The following NFIB variants were observed in gnomAD, a reference collection of about 807,000 sequenced individuals.
NFIB encodes the protein nuclear factor 1 B-type.
In NFIB, 11 loss-of-function variants were observed where a neutral mutation model predicts 61.5. The ratio of observed to expected loss-of-function variants is 0.18; its 90% CI spans 0.11 to 0.30. The LOEUF (loss-of-function observed/expected upper bound fraction) is 0.30, where lower values mean the gene tolerates loss of function less well. Ranked by LOEUF, NFIB falls within the 10% of genes least tolerant of loss-of-function variation. NFIB has a pLI of 1.00. For synonymous variants in NFIB, 260 were observed against 216.5 expected, an observed-to-expected ratio of 1.20 and a Z score of -1.76; for missense variants, 471 against 608.9, an observed-to-expected ratio of 0.77 and a Z score of 2.38.
intron 8 of NFIB, 118 bp from the exon 9 acceptor site, chr9:14,116,464 C>T (rs1006890380): frequency 1.4e-5 from 15 of 1,070,138 alleles, no homozygotes; most frequent in Non-Finnish European, 1.8e-5. Flanking sequence ...AGGCGCCACA[C>T]AGGCCCTCTC....
intron 6 of NFIB, among the ~76,000 whole-genome samples, chr9:14,128,508 G>A (rs1400247505): frequency 6.6e-6 from 1 of 151,978 alleles, no homozygotes; most frequent in African/African-American, 2.4e-5. Context: ...GACCAGCCTG[G>A]CCAACATGGT....
chr9:14,303,775 G>A (rs1049904059), intron 2 of NFIB, among the ~76,000 whole-genome samples: 1 of 151,912 alleles, frequency 6.6e-6, no homozygotes, highest in Non-Finnish European at 1.5e-5. Flanking sequence ...TTTCCCCCTC[G>A]CCTGGCACTT....
intron 8 of NFIB, among the ~76,000 whole-genome samples, chr9:14,119,084 TA>T (rs1266952555): frequency 6.6e-6 from 1 of 152,138 alleles, no homozygotes; most frequent in Non-Finnish European, 1.5e-5. Flanking sequence ...ATGGATGTCT[TA>T]ATTAGACTTT....
intron 2 of NFIB, among the ~76,000 whole-genome samples, chr9:14,237,956 T>G (rs960002679): frequency 2.0e-5 from 3 of 151,134 alleles, no homozygotes; most frequent in Non-Finnish European, 4.4e-5. Flanking sequence ...ACATGAGGCT[T>G]ACGGTCTAGG....
chr9:14,346,793 TTCTATC>T (rs1303680204), intron 1 of NFIB, among the ~76,000 whole-genome samples: 3 of 152,074 alleles, frequency 2.0e-5, no homozygotes, highest in African/African-American at 7.2e-5. Context: ...GGGGGATCTT[TTCTATC>T]TCTAATTACC....
chr9:14,465,990 C>T, the NFIB span, among the ~76,000 whole-genome samples: 1 of 152,138 alleles, frequency 6.6e-6, no homozygotes, highest in African/African-American at 2.4e-5. Context: ...ACACTTTGGT[C>T]TCCAATAGAA....
chr9:14,362,203 G>A (rs1179571793), intron 1 of NFIB: 1 of 152,210 alleles, frequency 6.6e-6, no homozygotes, highest in African/African-American at 2.4e-5. Context: ...CCAGGAACCA[G>A]AGGAGAAAAA....
chr9:14,499,254 C>A, the NFIB span, among the ~76,000 whole-genome samples: 1 of 152,116 alleles, frequency 6.6e-6, no homozygotes, highest in South Asian at 2.1e-4. Flanking sequence ...AGGAGAAATT[C>A]TGATGTCTGG....
chr9:14,364,329 A>G (rs987072601), intron 1 of NFIB, among the ~76,000 whole-genome samples: 1 of 152,186 alleles, frequency 6.6e-6, no homozygotes, highest in African/African-American at 2.4e-5. Context: ...GCCAACGAAG[A>G]GATCAAAAGT....
At chr9:14,233,863 C>T (rs935788661) in intron 2 of NFIB, among the ~76,000 whole-genome samples, 1 of 152,160 alleles carries the variant, frequency 6.6e-6, no homozygotes, top group Non-Finnish European at 1.5e-5. Flanking sequence ...CAATTTTGAT[C>T]TGAAATAATA....
Position 14,313,557 on chromosome 9 carries a change from T to C in NFIB, c.-46A>G. ...TTTCCGGGAGATGCCCAAGAAAATCTTCGAGAAGCAAGAATTTCATCTATT... is the reference window on the plus strand; with the variant it reads ...TTTCCGGGAGATGCCCAAGAAAATCCTCGAGAAGCAAGAATTTCATCTATT... On this transcript the variant is annotated 5_prime_UTR_variant, in exon 1 of 11. Coordinates refer to ENST00000380953, the MANE Select transcript of NFIB (RefSeq NM_001190737.2). This position sits in a 1 kb window ranked among gnomAD's most constrained non-coding sequence, Gnocchi z 4.5. 1 of 1,612,968 alleles carries C rather than the reference T, an allele frequency of 6.2e-7. No individual in the cohort carries two copies. Among genetic ancestry groups the C allele is most frequent in the Non-Finnish European group, 8.5e-7 (1 of 1,179,528 alleles).
chr9:14,323,533 T>G (rs1184231772), intron 1 of NFIB, among the ~76,000 whole-genome samples: 2 of 152,206 alleles, frequency 1.3e-5, no homozygotes, highest in Non-Finnish European at 2.9e-5. Flanking sequence ...CACATACATT[T>G]AGAAAAGATT....
chr9:14,290,087 G>A (rs2058989419), intron 2 of NFIB, among the ~76,000 whole-genome samples: 1 of 151,976 alleles, frequency 6.6e-6, no homozygotes, highest in African/African-American at 2.4e-5. Context: ...AAAGTATACT[G>A]GATTGTACCA....
intron 2 of NFIB, among the ~76,000 whole-genome samples, chr9:14,259,083 AG>A (rs1436069076): frequency 6.6e-6 from 1 of 152,206 alleles, no homozygotes; most frequent in Non-Finnish European, 1.5e-5. Flanking sequence ...TAAGCACATA[AG>A]GCTCGTGAGA....
the NFIB span, among the ~76,000 whole-genome samples, chr9:14,529,758 C>T: frequency 2.0e-5 from 3 of 152,258 alleles, no homozygotes; most frequent in South Asian, 4.1e-4. Context: ...AAGAAACTTA[C>T]GTACTCTTCA....
the NFIB span, among the ~76,000 whole-genome samples, chr9:14,428,273 GT>G: frequency 6.6e-6 from 1 of 152,070 alleles, no homozygotes; most frequent in Admixed American, 6.6e-5. Context: ...AAAACATCTT[GT>G]TAAGACTGGA....
chr9:14,386,530 T>C (rs951679382), intron 1 of NFIB, among the ~76,000 whole-genome samples: 3 of 152,196 alleles, frequency 2.0e-5, no homozygotes, highest in African/African-American at 7.2e-5. Flanking sequence ...AATTCCCACA[T>C]TATTTAAGAG....
the NFIB span, among the ~76,000 whole-genome samples, chr9:14,481,197 G>GTA: frequency 0.012 from 537 of 45,804 alleles, 47 homozygotes; most frequent in East Asian, 0.075. Flanking sequence ...GTGTGTGTGT[G>GTA]TATATATATA....
intron 2 of NFIB, among the ~76,000 whole-genome samples, chr9:14,278,510 A>G (rs1380894885): frequency 6.6e-6 from 1 of 152,212 alleles, no homozygotes; most frequent in Non-Finnish European, 1.5e-5. Context: ...AAGGAAGACC[A>G]TGTATCCCCT....
Sources: allele counts gnomAD v4.1 joint callset (sites outside exome capture counted in the v4.1 genomes callset), GRCh38; gene constraint gnomAD v4.1.1; non-coding constraint Gnocchi (gnomAD v3.1); transcripts MANE v1.5; gene names NCBI Gene and HGNC (gene_info 2026-07-23, HGNC 2026-07-21).